Variants in CHAC2 observed in about 807,000 individuals in gnomAD.
CHAC2 encodes the protein ChaC glutathione specific gamma-glutamylcyclotransferase 2, also known as glutathione-specific gamma-glutamylcyclotransferase 2.
In CHAC2, 20 loss-of-function variants were observed where a neutral mutation model predicts 16.9. The observed-to-expected ratio is 1.18, with a 90% CI of 0.83 to 1.72. The LOEUF (loss-of-function observed/expected upper bound fraction) is 1.72, where lower values mean the gene tolerates loss of function less well. CHAC2 is among the 40% of genes most tolerant of loss of function. The pLI is 0.00. For synonymous variants in CHAC2, 91 were observed against 77.3 expected (o/e 1.18, Z -0.93); for missense variants, 269 against 222.2 (o/e 1.21, Z -1.34).
rs922239748 is a variant in CHAC2 at position 53,772,455 on chromosome 2, T to C, written c.171+513T>C. ...TCCCAAAGTGCTGGGATTACAGGCA[T>C]GAGCCACCGCGCCCAGCCGTGGGAT... On this transcript the variant is annotated intron_variant, in intron 2 of 2. Coordinates refer to ENST00000295304, the MANE Select transcript of CHAC2 (RefSeq NM_001008708.4). 2.6e-5 allele frequency among the ~76,000 whole-genome samples: 4 copies of C among 152,148 alleles called. No homozygotes were observed. In the South Asian group the frequency reaches 8.3e-4, roughly 32 times the overall value.
At chr2:53,770,788 TC>T (rs1673848241) in intron 1 of CHAC2, among the ~76,000 whole-genome samples, 1 of 152,210 alleles carries the variant, frequency 6.6e-6, no homozygotes, top group African/African-American at 2.4e-5. Flanking sequence ...ACACAAGTGG[TC>T]TGATTGTCCC....
intron 1 of CHAC2, among the ~76,000 whole-genome samples, chr2:53,769,464 A>C (rs1673738803): frequency 1.3e-5 from 2 of 152,272 alleles, no homozygotes; most frequent in Non-Finnish European, 2.9e-5. Context: ...ACAGTGTGTT[A>C]CAAAACACAT....
chr2:53,768,430 T>A (rs1319026231), intron 1 of CHAC2, among the ~76,000 whole-genome samples: 1 of 152,250 alleles, frequency 6.6e-6, no homozygotes, highest in Non-Finnish European at 1.5e-5. Flanking sequence ...TTTTTAGCAA[T>A]TAAATTTGTT....
intron 2 of CHAC2, among the ~76,000 whole-genome samples, chr2:53,773,312 C>A (rs76450804): frequency 0.016 from 2,342 of 150,170 alleles, 21 homozygotes; most frequent in South Asian, 0.035. Context: ...GATAAAATAT[C>A]TTGCTGTGCC....
rs1673585498 is a variant in CHAC2, at chr2:53,767,836, C to T, written c.-51C>T. On this transcript the variant is annotated 5_prime_UTR_variant, in exon 1 of 3. Transcript: ENST00000295304. ...TACCGGAGGCTTCAGTCCCCGGCGG[C>T]GCGGCGACAGCTAGGGTTCACGGCC... 4.5e-6 allele frequency: 7 copies of T among 1,557,846 alleles called. No individual in the cohort carries two copies. In the South Asian group the frequency reaches 8.2e-5, roughly 18 times the overall value.
rs753706923 is a variant in CHAC2, at chr2:53,767,906, G to A, written c.20G>A (p.Gly7Glu). 1.2e-5 allele frequency: 20 copies of A among 1,612,814 alleles called. No homozygotes were observed. The highest frequency in any genetic ancestry group is 1.4e-5 in the Non-Finnish European group (17 of 1,179,518). The change falls in exon 1 of 3, where the codon GGG (glycine) becomes GAG (glutamate). Residue 7 changes from glycine (G) to glutamate (E), a missense_variant. By Grantham distance (98) the Gly-to-Glu change is moderately conservative. Transcript: ENST00000295304. MWVFGYGSLIWKVDFPY... is the reference protein window; with the variant it reads MWVFGYESLIWKVDFPY... ...GAGAAGATGTGGGTTTTTGGTTACG[G>A]GTCCCTGATCTGGAAGGTGGATTTC...
At chr2:53,769,862 A>C (rs1673772702) in intron 1 of CHAC2, among the ~76,000 whole-genome samples, 1 of 152,212 alleles carries the variant, frequency 6.6e-6, no homozygotes, top group African/African-American at 2.4e-5. Context: ...GAGCTAAAAA[A>C]AGGTGTCTTT....
intron 1 of CHAC2, among the ~76,000 whole-genome samples, chr2:53,768,735 T>C (rs549030332): frequency 1.4e-4 from 22 of 152,268 alleles, no homozygotes; most frequent in Non-Finnish European, 2.5e-4. Context: ...TGTAAGTTCA[T>C]TGATTCACTT....
At chr2:53,771,869 T>C (rs1673937215) in intron 1 of CHAC2, 38 bp from the exon 2 acceptor site, 1 of 1,327,560 alleles carries the variant, frequency 7.5e-7, no homozygotes, top group Non-Finnish European at 1.1e-6. Context: ...ATGAACTTTA[T>C]TAATTCAGAA....
intron 2 of CHAC2, among the ~76,000 whole-genome samples, chr2:53,772,203 C>A (rs771780752): frequency 6.6e-6 from 1 of 152,014 alleles, no homozygotes; most frequent in Non-Finnish European, 1.5e-5. Flanking sequence ...GAGACAGAGT[C>A]TAGCTCTGTC....
chr2:53,767,825 G>C lies in CHAC2; in HGVS notation c.-62G>C. ...GGTTACTCGCTTACCGGAGGCTTCA[G>C]TCCCCGGCGGCGCGGCGACAGCTAG... On this transcript the variant is annotated 5_prime_UTR_variant, in exon 1 of 3. Coordinates refer to ENST00000295304, the MANE Select transcript of CHAC2 (RefSeq NM_001008708.4). 1 of 1,549,420 alleles carries C rather than the reference G, an allele frequency of 6.5e-7. No individual in the cohort carries two copies. The highest frequency in any genetic ancestry group is 2.0e-5 in the Admixed American group (1 of 50,980).
In CHAC2 at chr2:53,771,893, CCT is replaced by C; in HGVS notation, c.136-13_136-12del. 1 of 1,540,722 alleles carries C rather than the reference CCT, an allele frequency of 6.5e-7. No homozygotes were observed. Among genetic ancestry groups the C allele is most frequent in the Admixed American group, 1.9e-5 (1 of 52,246 alleles). On this transcript the variant is annotated splice_polypyrimidine_tract_variant and intron_variant, in intron 1 of 2. Transcript: ENST00000295304. ...ATTAATTCAGAAAAATTTTTTTTTA[CCT>C]TTTTAAAACAGCCTGGAAGAGTTGT...
At chr2:53,770,933 A>G (rs913416703) in intron 1 of CHAC2, among the ~76,000 whole-genome samples, 1 of 152,246 alleles carries the variant, frequency 6.6e-6, no homozygotes, top group African/African-American at 2.4e-5. Flanking sequence ...AGAACACTTC[A>G]TAACTCAGAA....
chr2:53,774,033 C>CA lies in CHAC2; in HGVS notation c.172-104dup, dbSNP rs141116302. Reference sequence around the variant, plus strand: ...CTGGGCAACAGACAAGACTTCATCTCAAAAACAAACAGAAAAGAATATATG... The same window carrying CA: ...CTGGGCAACAGACAAGACTTCATCTCAAAAAACAAACAGAAAAGAATATATG... On this transcript the variant is annotated intron_variant, in intron 2 of 2. Coordinates refer to ENST00000295304, the MANE Select transcript of CHAC2 (RefSeq NM_001008708.4). 3.5e-3 allele frequency: 4,458 copies of CA among 1,260,098 alleles called. 112 individuals carry two copies. In the African/African-American group the frequency reaches 0.061, roughly 17 times the overall value. The allele number at this position is 1,260,098 out of a possible 1,614,324, so 78.1% of individuals were successfully genotyped here. A position where few individuals can be genotyped will look rare whatever the true frequency, so the allele number is the denominator to read the frequency against.
At chr2:53,772,637 T>G (rs10490472) in intron 2 of CHAC2, among the ~76,000 whole-genome samples, 8,914 of 152,140 alleles carry the variant, frequency 0.059, 475 homozygotes, top group East Asian at 0.28. Flanking sequence ...AGCAGAAATC[T>G]AAGTGAGGAA....
chr2:53,773,434 T>A (rs969628971), intron 2 of CHAC2, among the ~76,000 whole-genome samples: 3 of 152,086 alleles, frequency 2.0e-5, no homozygotes, highest in African/African-American at 7.2e-5. Context: ...TGACTTTTAT[T>A]TATTTTTTAT....
chr2:53,767,997 G>A lies in CHAC2; in HGVS notation c.111G>A (p.Thr37=), dbSNP rs1434497143. The A allele has an allele frequency of 6.2e-6, 10 of 1,611,148 alleles. No homozygotes were observed. In the South Asian group the frequency reaches 6.6e-5, roughly 11 times the overall value. ...NYSRRFWQGS[T]DHRGVPGKPG... is the part of the protein sequence containing the mutation. ...GCAGGCGCTTCTGGCAGGGCAGCAC[G>A]GACCACCGCGGGGTCCCCGGCAAGG... The change falls in exon 1 of 3, where the codon ACG becomes ACA. Residue 37 remains threonine (T), a synonymous_variant. Transcript: ENST00000295304.
At position 53,774,712 on chromosome 2, in the gene CHAC2, A is replaced by G. The variant is rs889889325; in HGVS notation, c.*187A>G. 1.7e-5 allele frequency: 8 copies of G among 483,672 alleles called. No homozygotes were observed. Among genetic ancestry groups the G allele is most frequent in the Non-Finnish European group, 2.5e-5 (7 of 284,552 alleles). 30.0% of individuals were successfully genotyped at this position (483,672 alleles called of 1,614,324 possible). On this transcript the variant is annotated 3_prime_UTR_variant, in exon 3 of 3. Transcript: ENST00000295304. ...AGAAAAATTCAAATTTTAATAACAT[A>G]AAGATTTCCTAACTTTATGTTATTG...
rs749938453 is a variant in CHAC2, at chr2:53,767,860, C to G, written c.-27C>G. The G allele has an allele frequency of 6.3e-7, 1 of 1,589,482 alleles. No homozygotes were observed. Among genetic ancestry groups the G allele is most frequent in the African/African-American group, 1.3e-5 (1 of 74,820 alleles). Reference sequence around the variant, plus strand: ...GCGCGGCGACAGCTAGGGTTCACGGCCACTGGGGCAGAGGAGCCGCGAGAA... The same window carrying G: ...GCGCGGCGACAGCTAGGGTTCACGGGCACTGGGGCAGAGGAGCCGCGAGAA... On this transcript the variant is annotated 5_prime_UTR_variant, in exon 1 of 3. Transcript: ENST00000295304.
Sources: allele counts gnomAD v4.1 joint callset (sites outside exome capture counted in the v4.1 genomes callset), GRCh38; gene constraint gnomAD v4.1.1; transcripts MANE v1.5; gene names NCBI Gene and HGNC (gene_info 2026-07-23, HGNC 2026-07-21).